CSNK1A1: variants seen among roughly 807,000 people sequenced by gnomAD.
The protein encoded by CSNK1A1 is casein kinase I isoform alpha.
CSNK1A1 carries 7 observed loss-of-function variants against 46.1 expected under a neutral mutation model. The observed-to-expected ratio is 0.15, with a 90% confidence interval of 0.09 to 0.29. The LOEUF (loss-of-function observed/expected upper bound fraction) is 0.29. Among genes scored for constraint, CSNK1A1 ranks in the 10% least tolerant of loss-of-function variants. The pLI, the probability that CSNK1A1 is intolerant of heterozygous loss-of-function variation, is 1.00. For missense variants in CSNK1A1, 96 were observed against 417.1 expected, an observed-to-expected ratio of 0.23 and a Z score of 6.71; for synonymous variants, 137 against 141.5, an observed-to-expected ratio of 0.97 and a Z score of 0.23.
chr5:149,499,165 C>G, intron 9 of CSNK1A1: 1 of 985,308 alleles, frequency 1.0e-6, no homozygotes, highest in Non-Finnish European at 1.2e-6. Context: ...ACTAAGCATT[C>G]TTTTCCCCAA....
intron 2 of CSNK1A1, among the ~76,000 whole-genome samples, chr5:149,527,722 G>A (rs1270248347): frequency 1.3e-5 from 2 of 151,824 alleles, no homozygotes; most frequent in Non-Finnish European, 2.9e-5. Flanking sequence ...GATCTGTCAC[G>A]AACCTACCAT....
In CSNK1A1 at chr5:149,510,053, C is replaced by G; in HGVS notation, c.676-100G>C. ...CATATAAACATATACCTGTGAGATT[C>G]AAGAGAAATTTTAACCCAGAATTTA... On this transcript the variant is annotated intron_variant, in intron 6 of 9. Transcript: ENST00000377843. 4 of 745,326 alleles carry G rather than the reference C, an allele frequency of 5.4e-6. No individual in the cohort carries two copies. In the East Asian group the frequency reaches 1.3e-4, roughly 24 times the overall value. The allele number at this position is 745,326 out of a possible 1,614,324, so 46.2% of individuals were successfully genotyped here.
intron 9 of CSNK1A1, chr5:149,502,646 A>G (rs1313685458): frequency 1.0e-6 from 1 of 978,956 alleles, no homozygotes; most frequent in African/African-American, 1.8e-5. Flanking sequence ...ATGTGTTGGA[A>G]TAACAGGCAT....
chr5:149,520,480 G>T, intron 3 of CSNK1A1, 92 bp from the exon 4 acceptor site: 1 of 709,320 alleles, frequency 1.4e-6, no homozygotes, highest in South Asian at 1.9e-5. Flanking sequence ...ATTATTTAGA[G>T]TTCACAAAGA....
chr5:149,520,261 T>C (rs1761528747), intron 4 of CSNK1A1, 29 bp downstream of exon 4: 3 of 1,350,596 alleles, frequency 2.2e-6, no homozygotes, highest in Non-Finnish European at 3.1e-6. Flanking sequence ...TTACTCTTTG[T>C]TCTTTCATGC....
chr5:149,541,307 C>T (rs1382845266), intron 2 of CSNK1A1, among the ~76,000 whole-genome samples: 1 of 151,720 alleles, frequency 6.6e-6, no homozygotes, highest in Non-Finnish European at 1.5e-5. Context: ...CACCTGCCAC[C>T]ATGGCCAGCT....
intron 2 of CSNK1A1, among the ~76,000 whole-genome samples, chr5:149,546,739 T>C (rs949790556): frequency 1.3e-5 from 2 of 152,180 alleles, no homozygotes; most frequent in African/African-American, 4.8e-5. Context: ...CTAAATTTTT[T>C]AAATTAGTGA....
chr5:149,537,232 C>T (rs1256450849), intron 2 of CSNK1A1, among the ~76,000 whole-genome samples: 1 of 151,932 alleles, frequency 6.6e-6, no homozygotes, highest in African/African-American at 2.4e-5. Flanking sequence ...AAAAATTAGC[C>T]GGGTGCAGTA....
In CSNK1A1 at chr5:149,521,932, T is replaced by C. The variant is rs577291456; in HGVS notation, c.358-1544A>G. Among the ~76,000 whole-genome samples, 101 of 152,252 alleles carry C rather than the reference T, an allele frequency of 6.6e-4. No individual in the cohort carries two copies. The Middle Eastern group carries it at 0.01, about 15-fold the overall frequency. On this transcript the variant is annotated intron_variant, in intron 3 of 9. Transcript: ENST00000377843. ...CCTTCTATGAGGATTTACTCTTCTA[T>C]GTACTGTCAAGCTCCACTCTTTGCC... is the stretch of plus-strand genomic sequence containing the variant.
intron 3 of CSNK1A1, among the ~76,000 whole-genome samples, chr5:149,521,199 G>A (rs1761555812): frequency 6.6e-6 from 1 of 150,632 alleles, no homozygotes; most frequent in Non-Finnish European, 1.5e-5. Context: ...GTTGAAGGGT[G>A]TATTTTTCAT....
intron 9 of CSNK1A1, chr5:149,497,542 C>G: frequency 1.0e-6 from 1 of 985,476 alleles, no homozygotes; most frequent in Non-Finnish European, 1.2e-6. Context: ...AGGGCCTCTA[C>G]ATAGGCCCTA....
intron 4 of CSNK1A1, among the ~76,000 whole-genome samples, chr5:149,519,487 T>C (rs910464660): frequency 6.6e-6 from 1 of 152,104 alleles, no homozygotes; most frequent in East Asian, 1.9e-4. Context: ...GAGCTCAACA[T>C]AGTATCGATA....
intron 3 of CSNK1A1, among the ~76,000 whole-genome samples, chr5:149,520,784 C>A (rs1262105442): frequency 1.3e-5 from 2 of 152,126 alleles, no homozygotes; most frequent in African/African-American, 2.4e-5. Context: ...CTTGTATTAC[C>A]CAGACCTAAT....
intron 2 of CSNK1A1, chr5:149,549,338 T>C: frequency 3.2e-6 from 2 of 620,642 alleles, no homozygotes; most frequent in Non-Finnish European, 6.0e-6. Flanking sequence ...GAAAGAGTAA[T>C]TAACACTTTT....
chr5:149,499,254 C>G, intron 9 of CSNK1A1: 1 of 971,226 alleles, frequency 1.0e-6, no homozygotes, highest in Non-Finnish European at 1.2e-6. Context: ...CCCATCTTCA[C>G]TGTAACATCA....
intron 9 of CSNK1A1, chr5:149,503,408 G>A (rs865921874): frequency 1.0e-6 from 1 of 985,402 alleles, no homozygotes; most frequent in Non-Finnish European, 1.2e-6. Flanking sequence ...TCTGTGTTCT[G>A]TGAAATGGCA....
chr5:149,551,100 T>A lies in CSNK1A1; in HGVS notation c.-136A>T. ...CGGAACACGGAGGCCTTTACCGGGG[T>A]TCGGGGCCCAGAATCAGCAGAGGGG... On this transcript the variant is annotated 5_prime_UTR_variant, in exon 1 of 10. Coordinates refer to ENST00000377843, the MANE Select transcript of CSNK1A1 (RefSeq NM_001892.6). 1.1e-6 allele frequency: 1 copy of A among 919,102 alleles called. No homozygotes were observed. Among genetic ancestry groups the A allele is most frequent in the Non-Finnish European group, 1.6e-6 (1 of 606,620 alleles). The allele number at this position is 919,102 out of a possible 1,614,324, so 56.9% of individuals were successfully genotyped here. A position where few individuals can be genotyped will look rare whatever the true frequency, so the allele number is the denominator to read the frequency against.
At chr5:149,534,694 G>A (rs1396476881) in intron 2 of CSNK1A1, among the ~76,000 whole-genome samples, 2 of 151,824 alleles carry the variant, frequency 1.3e-5, no homozygotes, top group African/African-American at 4.8e-5. Context: ...ACTTTGGGAG[G>A]TCAAGATGGG....
chr5:149,546,247 C>A (rs563344834), intron 2 of CSNK1A1, among the ~76,000 whole-genome samples: 2 of 152,162 alleles, frequency 1.3e-5, no homozygotes, highest in African/African-American at 2.4e-5. Context: ...AACAATAGGT[C>A]TCTCAAATTA....
Sources: allele counts gnomAD v4.1 joint callset (sites outside exome capture counted in the v4.1 genomes callset), GRCh38; gene constraint gnomAD v4.1.1; transcripts MANE v1.5; gene names NCBI Gene and HGNC (gene_info 2026-07-23, HGNC 2026-07-21).